The following SYT13 variants were observed in gnomAD, a reference collection of about 807,000 sequenced individuals.
The protein encoded by SYT13 is synaptotagmin 13, also known as synaptotagmin-13.
In SYT13, 21 loss-of-function variants were observed where a neutral mutation model predicts 38.6. The observed-to-expected ratio is 0.54, with a 90% CI of 0.39 to 0.78. The LOEUF is 0.78. SYT13 is among the 30% of genes least tolerant of loss of function. The probability of loss-of-function intolerance (pLI) is 0.00; values close to 1 mark genes in which losing one functional copy is unlikely to be tolerated. For synonymous variants in SYT13, 241 were observed against 237.6 expected (o/e 1.01, Z -0.13); for missense variants, 495 against 548.7 (o/e 0.90, Z 0.98).
At chr11:45,259,620 A>G (rs1854792017) in intron 1 of SYT13, among the ~76,000 whole-genome samples, 1 of 152,102 alleles carries the variant, frequency 6.6e-6, no homozygotes, top group African/African-American at 2.4e-5. Flanking sequence ...TACCCGCCCT[A>G]CACAACACCA....
At chr11:45,260,993 G>A (rs1016552902) in intron 1 of SYT13, among the ~76,000 whole-genome samples, 3 of 152,204 alleles carry the variant, frequency 2.0e-5, no homozygotes, top group African/African-American at 7.2e-5. Flanking sequence ...TGTGCAGAGA[G>A]TTAAAGCTCC....
At chr11:45,257,295 G>T (rs1466314460) in intron 1 of SYT13, among the ~76,000 whole-genome samples, 1 of 152,088 alleles carries the variant, frequency 6.6e-6, no homozygotes, top group South Asian at 2.1e-4. Context: ...GAGCCTTCCT[G>T]GTCCTCAGGA....
chr11:45,267,581 C>T (rs1854900202), intron 1 of SYT13, among the ~76,000 whole-genome samples: 1 of 152,140 alleles, frequency 6.6e-6, no homozygotes, highest in Admixed American at 6.5e-5. Context: ...TAGACACCCC[C>T]TCTCTCATGT....
At chr11:45,265,654 T>G (rs1399118886) in intron 1 of SYT13, among the ~76,000 whole-genome samples, 1 of 152,112 alleles carries the variant, frequency 6.6e-6, no homozygotes, top group Non-Finnish European at 1.5e-5. Context: ...CTCTCACATG[T>G]CTTCTTCAAG....
intron 1 of SYT13, among the ~76,000 whole-genome samples, chr11:45,257,227 A>C (rs1319100667): frequency 6.6e-6 from 1 of 152,276 alleles, no homozygotes; most frequent in East Asian, 1.9e-4. Flanking sequence ...ATTGACAGGG[A>C]TCTTCTGTCT....
chr11:45,283,246 T>C (rs2135913720), intron 1 of SYT13, among the ~76,000 whole-genome samples: 1 of 152,224 alleles, frequency 6.6e-6, no homozygotes, highest in East Asian at 1.9e-4. Context: ...ATCAGATTTC[T>C]AGGAATAGCC....
At chr11:45,269,849 C>A (rs1261552191) in intron 1 of SYT13, among the ~76,000 whole-genome samples, 1 of 152,176 alleles carries the variant, frequency 6.6e-6, no homozygotes, top group East Asian at 1.9e-4. Context: ...GCTTTTCTGG[C>A]AGGTGTCACA....
intron 1 of SYT13, among the ~76,000 whole-genome samples, chr11:45,269,727 C>T (rs1565391716): frequency 6.6e-6 from 1 of 152,272 alleles, no homozygotes; most frequent in East Asian, 1.9e-4. Context: ...CTTTGTCCAC[C>T]CCAAAGCTAG....
chr11:45,251,000 A>G (rs6485606), intron 4 of SYT13, among the ~76,000 whole-genome samples: 120,201 of 151,958 alleles, frequency 0.79, 48,486 homozygotes, highest in Non-Finnish European at 0.87. Context: ...CATCTGTAAG[A>G]GGGATAGTCA....
intron 4 of SYT13, among the ~76,000 whole-genome samples, chr11:45,250,933 C>G (rs1484511636): frequency 6.6e-6 from 1 of 152,066 alleles, no homozygotes; most frequent in Non-Finnish European, 1.5e-5. Flanking sequence ...CAAGGTCTGC[C>G]ATTTCCTGGC....
intron 3 of SYT13, among the ~76,000 whole-genome samples, chr11:45,253,695 A>G (rs146544357): frequency 1.3e-5 from 2 of 152,288 alleles, no homozygotes; most frequent in East Asian, 3.9e-4. Flanking sequence ...TTTTCTGACC[A>G]TTCGGAACAT....
intron 1 of SYT13, among the ~76,000 whole-genome samples, chr11:45,268,670 C>A (rs1413434953): frequency 1.3e-5 from 2 of 152,116 alleles, no homozygotes; most frequent in Admixed American, 6.5e-5. Flanking sequence ...GGAATTGAAC[C>A]CAGGCACATG....
chr11:45,278,981 G>T (rs1855041453), intron 1 of SYT13, among the ~76,000 whole-genome samples: 1 of 152,266 alleles, frequency 6.6e-6, no homozygotes, highest in Non-Finnish European at 1.5e-5. Flanking sequence ...AAGTGTGATG[G>T]CGGCAGCAAA....
At chr11:45,249,104 C>A (rs1310222875) in intron 4 of SYT13, among the ~76,000 whole-genome samples, 1 of 152,178 alleles carries the variant, frequency 6.6e-6, no homozygotes, top group Non-Finnish European at 1.5e-5. Context: ...TATGAACAGA[C>A]ACTTCTCAAA....
intron 4 of SYT13, among the ~76,000 whole-genome samples, chr11:45,250,889 T>C (rs1014581540): frequency 5.3e-5 from 8 of 152,152 alleles, no homozygotes; most frequent in African/African-American, 1.9e-4. Flanking sequence ...GGTAATGAGA[T>C]AGCACAGGAT....
rs1366726759 is a variant in SYT13, at chr11:45,241,996, T to C, written c.*2056A>G. ...GAGGATGGTTAGAAGTTATTTCTAA[T>C]GCTTTTCTATTTCTGTACAGAAAGA... On this transcript the variant is annotated 3_prime_UTR_variant, in exon 6 of 6. Transcript: ENST00000020926. The C allele has an allele frequency of 3.3e-5, 5 of 152,232 alleles. No individual in the cohort carries two copies. Among genetic ancestry groups the C allele is most frequent in the African/African-American group, 4.8e-5 (2 of 41,468 alleles). 9.4% of individuals were successfully genotyped at this position (152,232 alleles called of 1,614,324 possible).
At chr11:45,271,495 G>A (rs1000965258) in intron 1 of SYT13, among the ~76,000 whole-genome samples, 1 of 152,176 alleles carries the variant, frequency 6.6e-6, no homozygotes, top group Non-Finnish European at 1.5e-5. Context: ...AGGACATGGT[G>A]AGTCAGCTGG....
In SYT13 at chr11:45,244,300, T is replaced by A. The variant is rs150469000; in HGVS notation, c.1033A>T (p.Thr345Ser). 131 of 1,613,920 alleles carry A rather than the reference T, an allele frequency of 8.1e-5. No homozygotes were observed. Among genetic ancestry groups the A allele is most frequent in the Non-Finnish European group, 9.8e-5 (116 of 1,180,036 alleles). ...TTGATCTTGTGCTTAGCTCGTTTAGTCTGCTTCTTCTTCAGCTTCCGAGCC... is the reference window on the plus strand; with the variant it reads ...TTGATCTTGTGCTTAGCTCGTTTAGACTGCTTCTTCTTCAGCTTCCGAGCC... ...HQARKLKKKQ[T>S]KRAKHKINPV... is the part of the protein sequence containing the mutation. The change falls in exon 6 of 6, where the codon ACT becomes TCT. Residue 345 changes from threonine (T) to serine (S), a missense_variant. By Grantham distance (58) the Thr-to-Ser change is moderately conservative (BLOSUM62 1). Coordinates refer to ENST00000020926, the MANE Select transcript of SYT13 (RefSeq NM_020826.3).
chr11:45,269,204 G>T (rs10769134), intron 1 of SYT13, among the ~76,000 whole-genome samples: 49,696 of 152,022 alleles, frequency 0.33, 8,297 homozygotes, highest in South Asian at 0.4. Flanking sequence ...TTTGCACTGT[G>T]TCCAGAGTAC....
Sources: allele counts gnomAD v4.1 joint callset (sites outside exome capture counted in the v4.1 genomes callset), GRCh38; gene constraint gnomAD v4.1.1; transcripts MANE v1.5; gene names NCBI Gene and HGNC (gene_info 2026-07-23, HGNC 2026-07-21).